Variants in GAD1 observed in about 807,000 individuals in gnomAD.
The protein encoded by GAD1 is glutamate decarboxylase 1.
In GAD1, 35 loss-of-function variants were observed where a neutral mutation model predicts 75.2. The observed-to-expected ratio is 0.47, with a 90% CI of 0.36 to 0.62. The LOEUF is 0.62. Ranked by LOEUF, GAD1 falls within the 20% of genes least tolerant of loss-of-function variation. The pLI is 0.00. For missense variants in GAD1, 490 were observed against 758.5 expected (o/e 0.65, Z 4.16); for synonymous variants, 257 against 271.9 (o/e 0.95, Z 0.54).
At chr2:170,815,749 G>A (rs1701683728), upstream of GAD1, among the ~76,000 whole-genome samples, 2 of 152,190 alleles carry the variant, frequency 1.3e-5, no homozygotes, top group South Asian at 4.1e-4. Context: ...AGAAGAAAGG[G>A]GAGAACTTAA....
intron 3 of GAD1, among the ~76,000 whole-genome samples, chr2:170,825,375 A>G (rs753400924): frequency 6.6e-6 from 1 of 152,202 alleles, no homozygotes; most frequent in East Asian, 1.9e-4. Flanking sequence ...GACAACAGCA[A>G]TACAGTATGA....
intron 10 of GAD1, among the ~76,000 whole-genome samples, chr2:170,847,239 C>T (rs1702651894): frequency 6.6e-6 from 1 of 152,214 alleles, no homozygotes; most frequent in Admixed American, 6.5e-5. Context: ...GAATGATGCA[C>T]AGGTGATATT....
At chr2:170,833,100 T>A (rs145501000) in intron 5 of GAD1, among the ~76,000 whole-genome samples, 16 of 152,384 alleles carry the variant, frequency 1.0e-4, no homozygotes, top group Admixed American at 3.3e-4. Context: ...TTCTTTCTTC[T>A]TCTTTGTCTC....
Position 170,846,360 on chromosome 2 carries a change from T to G in GAD1, c.1002+297T>G, listed in dbSNP as rs745812482. Among the ~76,000 whole-genome samples, 97 of 152,228 alleles carry G rather than the reference T, an allele frequency of 6.4e-4. 1 individual carries two copies. Among genetic ancestry groups the G allele is most frequent in the Non-Finnish European group, 2.9e-5 (2 of 68,046 alleles). On this transcript the variant is annotated intron_variant, in intron 10 of 16. Coordinates refer to ENST00000358196, the MANE Select transcript of GAD1 (RefSeq NM_000817.3). ...CAAATCCCTGAGCATCATGAAGATA[T>G]AGCCTAATTGAACTTTTTATTTACT...
chr2:170,850,285 A>C (rs1702720925), intron 12 of GAD1, among the ~76,000 whole-genome samples: 1 of 152,242 alleles, frequency 6.6e-6, no homozygotes, highest in South Asian at 2.1e-4. Flanking sequence ...AAAGAAAAAT[A>C]AAACAGGGTT....
At position 170,859,753 on chromosome 2, in the gene GAD1, C is replaced by T; in HGVS notation, c.1656C>T (p.Thr552=). ...CCCTGATGATGGAGTCAGGTACGAC[C>T]ATGGTTGGCTACCAGCCCCAAGGGG... is the stretch of plus-strand genomic sequence containing the variant. The part of the protein sequence containing the change: ...IKALMMESGT[T]MVGYQPQGDK... The change falls in exon 17 of 17, where the codon ACC becomes ACT. Residue 552 remains threonine (T), a synonymous_variant. Transcript: ENST00000358196. 2 of 1,614,148 alleles carry T rather than the reference C, an allele frequency of 1.2e-6. No homozygotes were observed. Among genetic ancestry groups the T allele is most frequent in the Non-Finnish European group, 8.5e-7 (1 of 1,180,032 alleles).
intron 5 of GAD1, among the ~76,000 whole-genome samples, chr2:170,836,371 C>T (rs985292823): frequency 7.2e-5 from 11 of 152,108 alleles, no homozygotes; most frequent in African/African-American, 1.9e-4. Context: ...TTTAGAGTTA[C>T]GTAGCAAAAG....
chr2:170,815,295 T>C (rs1437021381), upstream of GAD1, among the ~76,000 whole-genome samples: 1 of 151,996 alleles, frequency 6.6e-6, no homozygotes, highest in African/African-American at 2.4e-5. Flanking sequence ...CGCCCCGCCG[T>C]TTAGGATGTT....
intron 4 of GAD1, 41 bp downstream of exon 4, chr2:170,829,674 T>C: frequency 6.2e-7 from 1 of 1,601,396 alleles, no homozygotes; most frequent in Non-Finnish European, 8.5e-7. Context: ...AGCCAGTAGA[T>C]TTCTTATTTG....
At chr2:170,820,501 A>C (rs1207303029) in intron 2 of GAD1, among the ~76,000 whole-genome samples, 1 of 152,174 alleles carries the variant, frequency 6.6e-6, no homozygotes, top group Non-Finnish European at 1.5e-5. Flanking sequence ...CCTTGCAGAC[A>C]ATACCTTTGC....
At position 170,859,956 on chromosome 2, in the gene GAD1, G is replaced by A. The variant is rs1286301269; in HGVS notation, c.*74G>A. 1 of 1,356,892 alleles carries A rather than the reference G, an allele frequency of 7.4e-7. No individual in the cohort carries two copies. The highest frequency in any genetic ancestry group is 1.0e-6 in the Non-Finnish European group (1 of 958,430). 84.1% of individuals were successfully genotyped at this position (1,356,892 alleles called of 1,614,324 possible). A position where few individuals can be genotyped will look rare whatever the true frequency, so the allele number is the denominator to read the frequency against. On this transcript the variant is annotated 3_prime_UTR_variant, in exon 17 of 17. Coordinates refer to ENST00000358196, the MANE Select transcript of GAD1 (RefSeq NM_000817.3). ...ACTCCAGAACAAACCTCTATATGTT[G>A]CTGAAACACACAGGCCATTTCATTG...
At chr2:170,816,170 C>G (rs907154235), upstream of GAD1, 1 of 152,358 alleles carries the variant, frequency 6.6e-6, no homozygotes, top group South Asian at 2.1e-4. Context: ...TTCCCATCAC[C>G]AAGGGGGCCA....
chr2:170,820,348 C>A (rs1049447493), intron 2 of GAD1, among the ~76,000 whole-genome samples: 8 of 152,204 alleles, frequency 5.3e-5, no homozygotes, highest in African/African-American at 1.9e-4. Flanking sequence ...GCTGCCAAAG[C>A]GAAGGCAAGA....
intron 6 of GAD1, among the ~76,000 whole-genome samples, chr2:170,838,606 C>T (rs889071653): frequency 1.3e-5 from 2 of 152,192 alleles, no homozygotes; most frequent in Admixed American, 6.5e-5. Flanking sequence ...CTGCAGGGCA[C>T]TCAGCTGCTT....
intron 3 of GAD1, among the ~76,000 whole-genome samples, chr2:170,823,017 G>A (rs1441358361): frequency 6.6e-6 from 1 of 152,248 alleles, no homozygotes; most frequent in Admixed American, 6.5e-5. Flanking sequence ...AGATTTGTTC[G>A]AAGGGACACA....
At chr2:170,849,734 G>T (rs1702710533) in intron 12 of GAD1, among the ~76,000 whole-genome samples, 1 of 152,196 alleles carries the variant, frequency 6.6e-6, no homozygotes, top group Non-Finnish European at 1.5e-5. Context: ...TAAACAAGTA[G>T]TTAGAACACA....
At chr2:170,814,137 G>C (rs1366338750), upstream of GAD1, among the ~76,000 whole-genome samples, 1 of 152,122 alleles carries the variant, frequency 6.6e-6, no homozygotes, top group Non-Finnish European at 1.5e-5. Context: ...CAAAAATATA[G>C]GTTTCAAATG....
chr2:170,829,125 C>T, intron 3 of GAD1: 4 of 371,482 alleles, frequency 1.1e-5, no homozygotes, highest in Non-Finnish European at 2.1e-5. Flanking sequence ...AGCATCTTCT[C>T]TGATTGTGTC....
intron 6 of GAD1, among the ~76,000 whole-genome samples, chr2:170,839,222 T>A (rs1702445209): frequency 6.6e-6 from 1 of 152,212 alleles, no homozygotes; most frequent in African/African-American, 2.4e-5. Context: ...GCACCTGACA[T>A]AGAAAATAAG....
Sources: allele counts gnomAD v4.1 joint callset (sites outside exome capture counted in the v4.1 genomes callset), GRCh38; gene constraint gnomAD v4.1.1; transcripts MANE v1.5; gene names NCBI Gene and HGNC (gene_info 2026-07-23, HGNC 2026-07-21).